HMGB1: variants seen among roughly 807,000 people sequenced by gnomAD.
The protein encoded by HMGB1 is high mobility group box 1.
For synonymous variants in HMGB1, 81 were observed against 84.0 expected (o/e 0.96, Z 0.19); for missense variants, 79 against 253.5 (o/e 0.31, Z 4.67).
chr13:30,546,998 T>C (rs1052287817), intron 1 of HMGB1, among the ~76,000 whole-genome samples: 1 of 152,180 alleles, frequency 6.6e-6, no homozygotes, highest in African/African-American at 2.4e-5. Context: ...TTTATCCCTA[T>C]CCTACTCCTT....
intron 1 of HMGB1, among the ~76,000 whole-genome samples, chr13:30,535,579 T>C (rs146819405): frequency 1.3e-4 from 20 of 152,234 alleles, no homozygotes; most frequent in African/African-American, 4.6e-4. Context: ...ATTCCACTTA[T>C]TTGAATTAAT....
chr13:30,545,058 C>T (rs1460326411), intron 1 of HMGB1, among the ~76,000 whole-genome samples: 1 of 152,090 alleles, frequency 6.6e-6, no homozygotes, highest in African/African-American at 2.4e-5. Context: ...CTTATGTTCC[C>T]TGTCATGTCT....
chr13:30,598,936 G>T (rs986610834), intron 1 of HMGB1, among the ~76,000 whole-genome samples: 1 of 151,254 alleles, frequency 6.6e-6, no homozygotes, highest in Admixed American at 6.6e-5. Flanking sequence ...GCATATATAT[G>T]TGTATATACA....
chr13:30,505,492 A>C (rs1372345482), intron 1 of HMGB1, among the ~76,000 whole-genome samples: 1 of 151,484 alleles, frequency 6.6e-6, no homozygotes, highest in African/African-American at 2.4e-5. Context: ...TTATATTTTT[A>C]ATAGAGATGG....
At chr13:30,557,048 C>T (rs7984366) in intron 1 of HMGB1, among the ~76,000 whole-genome samples, 117,710 of 152,152 alleles carry the variant, frequency 0.77, 47,467 homozygotes, top group Middle Eastern at 0.92. Context: ...AAAAATAAAT[C>T]TAAAAACTGT....
chr13:30,512,541 A>T lies in HMGB1; in HGVS notation c.-14-48847T>A, dbSNP rs571232776. 5.7e-4 allele frequency among the ~76,000 whole-genome samples: 87 copies of T among 152,322 alleles called. 1 individual carries two copies. In the South Asian group the frequency reaches 0.013, roughly 22 times the overall value. On this transcript the variant is annotated intron_variant, in intron 1 of 4. Coordinates refer to the HMGB1 transcript ENST00000405805. ...CCTGGAGCAGCTTGTTTTTCATGGC[A>T]TGGGCCCTGATCAGACAGACAGGCT...
In HMGB1 at chr13:30,549,711, G is replaced by GT. The variant is rs58245075; in HGVS notation, c.-15+66959dup. Reference sequence around the variant, plus strand: ...TGCCTGGCACAAACACTAATTGTTTGTTTTTTTTTTTTTGAGATGGAGTCT... The same window carrying GT: ...TGCCTGGCACAAACACTAATTGTTTGTTTTTTTTTTTTTTGAGATGGAGTCT... On this transcript the variant is annotated intron_variant, in intron 1 of 4. Transcript: ENST00000405805. 7.4e-3 allele frequency among the ~76,000 whole-genome samples: 1,004 copies of GT among 135,688 alleles called. 16 individuals are homozygous for GT. The highest frequency in any genetic ancestry group is 0.024 in the African/African-American group (910 of 38,106). The allele number at this position is 135,688 out of a possible 152,430, so 89.0% of individuals were successfully genotyped here.
rs1206967952 is a variant in HMGB1, at chr13:30,559,528, G to C, written c.-15+57143C>G. On this transcript the variant is annotated intron_variant, in intron 1 of 4. Coordinates refer to the HMGB1 transcript ENST00000405805. The surrounding 1 kb of genome is among the most constrained non-coding windows in gnomAD (Gnocchi z 6.6). The stretch of plus-strand genomic sequence containing the variant: ...CAGCAATATGGCATATTGCAAAGTA[G>C]TGTTCAGAGATGTGCGTGTAGTAGG... Among the ~76,000 whole-genome samples the C allele has an allele frequency of 1.3e-5, 2 of 152,198 alleles. No homozygotes were observed. Among genetic ancestry groups the C allele is most frequent in the African/African-American group, 4.8e-5 (2 of 41,444 alleles).
intron 1 of HMGB1, among the ~76,000 whole-genome samples, chr13:30,600,833 T>C (rs1277758406): frequency 6.6e-6 from 1 of 152,174 alleles, no homozygotes; most frequent in African/African-American, 2.4e-5. Flanking sequence ...ATTAATCCCA[T>C]TTTACAGAAG....
chr13:30,585,818 C>A (rs978221008), intron 1 of HMGB1, among the ~76,000 whole-genome samples: 1 of 152,180 alleles, frequency 6.6e-6, no homozygotes, highest in Non-Finnish European at 1.5e-5. Flanking sequence ...AGGCTCTATA[C>A]AATCTACAAT....
At chr13:30,477,973 G>T (rs995679331) in intron 1 of HMGB1, among the ~76,000 whole-genome samples, 3 of 152,186 alleles carry the variant, frequency 2.0e-5, no homozygotes, top group Non-Finnish European at 4.4e-5. Context: ...TGCTTTTTCT[G>T]AAAGGTTGCT....
intron 1 of HMGB1, among the ~76,000 whole-genome samples, chr13:30,584,488 A>G (rs1871057439): frequency 1.3e-5 from 2 of 152,014 alleles, no homozygotes; most frequent in Non-Finnish European, 2.9e-5. Context: ...CCTTTCCCCA[A>G]CCTCCTAAAA....
At chr13:30,590,632 G>A (rs1426575866) in intron 1 of HMGB1, among the ~76,000 whole-genome samples, 1 of 152,222 alleles carries the variant, frequency 6.6e-6, no homozygotes, top group East Asian at 1.9e-4. Context: ...TGAAATTCAA[G>A]GTTCCAATGA....
chr13:30,477,144 A>G (rs1476567442), intron 1 of HMGB1, among the ~76,000 whole-genome samples: 2 of 152,196 alleles, frequency 1.3e-5, no homozygotes, highest in Non-Finnish European at 2.9e-5. Flanking sequence ...GCCCCATAGG[A>G]ATACTGACAT....
chr13:30,505,151 T>TA (rs1491170118), intron 1 of HMGB1, among the ~76,000 whole-genome samples: 1,632 of 22,702 alleles, frequency 0.072, 17 homozygotes, highest in South Asian at 0.18. Context: ...TATATATATA[T>TA]TTATATATTT....
rs1334668708 is a variant in HMGB1, at chr13:30,464,389, CT to C, written c.-14-696del. On this transcript the variant is annotated intron_variant, in intron 1 of 4. Coordinates refer to ENST00000341423, the MANE Select transcript of HMGB1 (RefSeq NM_002128.7). ...GGATGAGGGACAAAAGCCACTCCTGCTCGTGGCTCGGTGGCCCCCTCCCCCA... is the reference window on the plus strand; with the variant it reads ...GGATGAGGGACAAAAGCCACTCCTGCCGTGGCTCGGTGGCCCCCTCCCCCA... 4 of 985,388 alleles carry C rather than the reference CT, an allele frequency of 4.1e-6. No homozygotes were observed. The African/African-American group carries it at 7.0e-5, about 17-fold the overall frequency. 61.0% of individuals were successfully genotyped at this position (985,388 alleles called of 1,614,324 possible). A position where few individuals can be genotyped will look rare whatever the true frequency, so the allele number is the denominator to read the frequency against.
At chr13:30,467,542 A>G (rs886615590), upstream of HMGB1, among the ~76,000 whole-genome samples, 1 of 152,270 alleles carries the variant, frequency 6.6e-6, no homozygotes, top group Admixed American at 6.5e-5. Flanking sequence ...GAGGATATAA[A>G]TTGGTATACT....
chr13:30,612,841 T>C (rs1950525122), intron 1 of HMGB1, among the ~76,000 whole-genome samples: 1 of 152,236 alleles, frequency 6.6e-6, no homozygotes. Flanking sequence ...ATTTTGTCAC[T>C]GGAAAAACGT....
rs1391930858 is a variant in HMGB1 at position 30,459,149 on chromosome 13, AT to A, written c.*2207del. 6.6e-6 allele frequency: 1 copy of A among 151,252 alleles called. No individual in the cohort carries two copies. The highest frequency in any genetic ancestry group is 6.6e-5 in the Admixed American group (1 of 15,158). The allele number at this position is 151,252 out of a possible 1,614,324, so 9.4% of individuals were successfully genotyped here. ...AGTTTCTATACACTTTCTAAAAAAA[AT>A]CATCTTCAGTTACAAGGCTTTACAC... On this transcript the variant is annotated 3_prime_UTR_variant, in exon 5 of 5. Coordinates refer to ENST00000341423, the MANE Select transcript of HMGB1 (RefSeq NM_002128.7).
Sources: allele counts gnomAD v4.1 joint callset (sites outside exome capture counted in the v4.1 genomes callset), GRCh38; gene constraint gnomAD v4.1.1; non-coding constraint Gnocchi (gnomAD v3.1); transcripts MANE v1.5; gene names NCBI Gene and HGNC (gene_info 2026-07-23, HGNC 2026-07-21).